GABRA2: variants seen among roughly 807,000 people sequenced by gnomAD.
GABRA2 encodes the protein gamma-aminobutyric acid receptor subunit alpha-2.
A neutral mutation model predicts 48.7 loss-of-function variants in GABRA2; 16 were observed. The observed-to-expected ratio is 0.33, with a 90% CI of 0.22 to 0.50. GABRA2 has a LOEUF of 0.50. Ranked by LOEUF, GABRA2 falls within the 20% of genes least tolerant of loss-of-function variation. The pLI is 0.98. For synonymous variants in GABRA2, 185 were observed against 184.5 expected, an observed-to-expected ratio of 1.00 and a Z score of -0.02; for missense variants, 275 against 535.6, an observed-to-expected ratio of 0.51 and a Z score of 4.80.
chr4:46,255,688 G>A (rs1715675407), intron 9 of GABRA2, among the ~76,000 whole-genome samples: 1 of 151,670 alleles, frequency 6.6e-6, no homozygotes, highest in South Asian at 2.1e-4. Flanking sequence ...GTAGGTTTAA[G>A]TATGTTTTGA....
At chr4:46,329,123 C>A (rs1730898151) in intron 4 of GABRA2, among the ~76,000 whole-genome samples, 1 of 152,096 alleles carries the variant, frequency 6.6e-6, no homozygotes, top group South Asian at 2.1e-4. Flanking sequence ...AAACTATCTC[C>A]TGGTCCTCAG....
At chr4:46,321,022 T>G (rs1729359904) in intron 4 of GABRA2, among the ~76,000 whole-genome samples, 1 of 151,918 alleles carries the variant, frequency 6.6e-6, no homozygotes, top group South Asian at 2.1e-4. Flanking sequence ...ATAATATATA[T>G]GTACAATGAA....
intron 8 of GABRA2, among the ~76,000 whole-genome samples, chr4:46,301,262 G>T (rs1725685112): frequency 6.6e-6 from 1 of 152,108 alleles, no homozygotes; most frequent in South Asian, 2.1e-4. Flanking sequence ...AATTCAAAGA[G>T]TTGTATACAT....
intron 3 of GABRA2, among the ~76,000 whole-genome samples, chr4:46,385,590 C>A (rs1717338583): frequency 6.6e-6 from 1 of 151,918 alleles, no homozygotes; most frequent in East Asian, 1.9e-4. Context: ...CTAGAAATAT[C>A]ACATGCAAGT....
intron 3 of GABRA2, chr4:46,369,066 C>G (rs967339586): frequency 3.1e-5 from 21 of 684,466 alleles, no homozygotes; most frequent in Non-Finnish European, 5.3e-5. Context: ...TCAAATCTAA[C>G]TAAAAGTTAG....
chr4:46,323,423 C>T (rs16859315), intron 4 of GABRA2, among the ~76,000 whole-genome samples: 5 of 151,760 alleles, frequency 3.3e-5, no homozygotes, highest in South Asian at 2.1e-4. Context: ...CCCTAAAAAC[C>T]GTACCAAACT....
intron 3 of GABRA2, among the ~76,000 whole-genome samples, chr4:46,334,897 C>T (rs768090035): frequency 9.2e-5 from 14 of 152,130 alleles, no homozygotes; most frequent in Non-Finnish European, 1.8e-4. Flanking sequence ...CAAACACTGA[C>T]GATGAACATC....
At chr4:46,384,482 A>G (rs1036356297) in intron 3 of GABRA2, among the ~76,000 whole-genome samples, 1 of 152,220 alleles carries the variant, frequency 6.6e-6, no homozygotes, top group Non-Finnish European at 1.5e-5. Flanking sequence ...ATGGCAATAC[A>G]TAAGTCCTCA....
chr4:46,349,530 C>A (rs182022188), intron 3 of GABRA2, among the ~76,000 whole-genome samples: 2 of 151,946 alleles, frequency 1.3e-5, no homozygotes, highest in African/African-American at 4.8e-5. Context: ...TGCTAAAAAA[C>A]ATAGGTTTTA....
Position 46,304,372 on chromosome 4 carries a change from T to C in GABRA2, c.704-760A>G, listed in dbSNP as rs77934166. On this transcript the variant is annotated intron_variant, in intron 7 of 9. Transcript: ENST00000381620. ...TGTGCTAATTTGCTTCAGTCACTTC[T>C]ATCTAATCCTCATATCTACCTTCCT... Among the ~76,000 whole-genome samples the C allele has an allele frequency of 2.9e-3, 445 of 152,332 alleles. 2 individuals are homozygous for C. The highest frequency in any genetic ancestry group is 4.3e-3 in the Non-Finnish European group (293 of 68,028).
intron 8 of GABRA2, among the ~76,000 whole-genome samples, chr4:46,291,744 T>C (rs1723667447): frequency 1.3e-5 from 2 of 150,650 alleles, no homozygotes; most frequent in African/African-American, 4.9e-5. Flanking sequence ...TGACTTGTGA[T>C]CATGTGAGTT....
intron 3 of GABRA2, among the ~76,000 whole-genome samples, chr4:46,342,748 T>C (rs550976565): frequency 5.3e-5 from 8 of 152,072 alleles, no homozygotes; most frequent in Admixed American, 2.0e-4. Flanking sequence ...CTCCAACTCC[T>C]GGGCTCAAGT....
At chr4:46,375,796 A>G (rs1221435270) in intron 3 of GABRA2, among the ~76,000 whole-genome samples, 1 of 152,242 alleles carries the variant, frequency 6.6e-6, no homozygotes, top group African/African-American at 2.4e-5. Context: ...ATGGTGTGAT[A>G]TGAATTTATG....
chr4:46,313,116 CAAAT>C (rs199996713), intron 4 of GABRA2, among the ~76,000 whole-genome samples: 66,079 of 133,992 alleles, frequency 0.49, 16,136 homozygotes, highest in South Asian at 0.59. Flanking sequence ...TTCCCAGTAG[CAAAT>C]AAATAAATAA....
At chr4:46,294,637 C>G (rs1724291405) in intron 8 of GABRA2, among the ~76,000 whole-genome samples, 1 of 152,210 alleles carries the variant, frequency 6.6e-6, no homozygotes. Context: ...GTGTCAGGGG[C>G]AGATACGGAT....
chr4:46,349,826 A>T (rs1734817729), intron 3 of GABRA2, among the ~76,000 whole-genome samples: 1 of 151,248 alleles, frequency 6.6e-6, no homozygotes, highest in Admixed American at 6.6e-5. Flanking sequence ...TAAAGTGATT[A>T]ACTTTACCAC....
At chr4:46,329,544 T>C (rs1190562441) in intron 4 of GABRA2, among the ~76,000 whole-genome samples, 1 of 152,128 alleles carries the variant, frequency 6.6e-6, no homozygotes, top group Non-Finnish European at 1.5e-5. Context: ...TCACAGGTCT[T>C]AGAGGGAAAG....
intron 9 of GABRA2, among the ~76,000 whole-genome samples, chr4:46,254,770 C>T (rs1715475236): frequency 6.6e-6 from 1 of 151,452 alleles, no homozygotes; most frequent in South Asian, 2.1e-4. Flanking sequence ...CTAAATTTCA[C>T]TAGACTTCTC....
intron 9 of GABRA2, among the ~76,000 whole-genome samples, chr4:46,251,989 G>T (rs1164761560): frequency 1.3e-5 from 2 of 151,488 alleles, no homozygotes; most frequent in South Asian, 2.1e-4. Context: ...AGACAGCAGT[G>T]AATTATCCAA....
Sources: gnomAD v4.1 joint callset for allele counts (sites outside exome capture counted in the v4.1 genomes callset) on GRCh38, gnomAD v4.1.1 for gene constraint, MANE v1.5 for transcripts, NCBI Gene and HGNC (gene_info 2026-07-23, HGNC 2026-07-21) for gene names.